The following KCNU1 variants were observed in gnomAD, a reference collection of about 807,000 sequenced individuals.
KCNU1 encodes the protein potassium channel subfamily U member 1.
Under a neutral mutation model 126.8 loss-of-function variants are expected in KCNU1, and 93 were observed. The observed-to-expected ratio is 0.73, with a 90% confidence interval of 0.62 to 0.87. The LOEUF (loss-of-function observed/expected upper bound fraction) is 0.87, where lower values mean the gene tolerates loss of function less well. Ranked by LOEUF, KCNU1 falls within the 40% of genes least tolerant of loss-of-function variation. The pLI, the probability that KCNU1 is intolerant of heterozygous loss-of-function variation, is 0.00. For missense variants in KCNU1, 1,330 were observed against 1,367.1 expected (o/e 0.97, Z 0.43); for synonymous variants, 523 against 494.2 (o/e 1.06, Z -0.77).
intron 20 of KCNU1, among the ~76,000 whole-genome samples, chr8:36,907,764 T>C (rs555299358): frequency 1.3e-4 from 20 of 152,298 alleles, no homozygotes; most frequent in African/African-American, 4.8e-4. Flanking sequence ...GAATGATATA[T>C]CCATTTGAAG....
intron 19 of KCNU1, among the ~76,000 whole-genome samples, chr8:36,892,372 T>C (rs890037544): frequency 3.9e-5 from 6 of 152,214 alleles, no homozygotes; most frequent in African/African-American, 1.4e-4. Context: ...TCTCATACTT[T>C]TCTTTAGTTC....
intron 18 of KCNU1, among the ~76,000 whole-genome samples, chr8:36,850,486 T>C (rs1398104147): frequency 6.6e-6 from 1 of 150,988 alleles, no homozygotes; most frequent in African/African-American, 2.4e-5. Context: ...GGACAGGGTC[T>C]CACTCCATCA....
intron 19 of KCNU1, chr8:36,888,723 T>C (rs1806822237): frequency 1.9e-6 from 1 of 534,400 alleles, no homozygotes; most frequent in Non-Finnish European, 3.8e-6. Context: ...CAGGAAAGCA[T>C]CTTCACAAAA....
At chr8:36,876,275 G>T (rs895974334) in intron 19 of KCNU1, among the ~76,000 whole-genome samples, 1 of 152,162 alleles carries the variant, frequency 6.6e-6, no homozygotes, top group Non-Finnish European at 1.5e-5. Context: ...GATTCTATCT[G>T]TGTTTCTTTA....
intron 9 of KCNU1, among the ~76,000 whole-genome samples, chr8:36,817,209 G>C (rs1023495845): frequency 1.3e-5 from 2 of 151,886 alleles, no homozygotes; most frequent in Non-Finnish European, 2.9e-5. Context: ...TTAAAATCTG[G>C]GTGATGCAGG....
intron 2 of KCNU1, among the ~76,000 whole-genome samples, chr8:36,801,678 G>GTA (rs988179182): frequency 6.6e-6 from 1 of 151,824 alleles, no homozygotes; most frequent in Non-Finnish European, 1.5e-5. Flanking sequence ...ATATATGTGT[G>GTA]TATATATACA....
At chr8:36,799,776 G>A (rs1437922522) in intron 2 of KCNU1, among the ~76,000 whole-genome samples, 1 of 151,706 alleles carries the variant, frequency 6.6e-6, no homozygotes, top group African/African-American at 2.4e-5. Context: ...CCTGACCTCA[G>A]GGGATCCTCC....
Position 36,931,042 on chromosome 8 carries a change from A to G in KCNU1, c.2828A>G (p.Lys943Arg). 1 of 1,611,704 alleles carries G rather than the reference A, an allele frequency of 6.2e-7. No individual in the cohort carries two copies. Among genetic ancestry groups the G allele is most frequent in the Non-Finnish European group, 8.5e-7 (1 of 1,178,788 alleles). Reference sequence around the variant, plus strand: ...CTGGAACAACATTTAGATAAGGATAAAGTCTATGGTGTGGCAGATAGCTGC... The same window carrying G: ...CTGGAACAACATTTAGATAAGGATAGAGTCTATGGTGTGGCAGATAGCTGC... ...SQLEQHLDKD[K>R]VYGVADSCTS... Residue 943 changes from lysine (K) to arginine (R), a missense_variant, in exon 25 of 27, where the codon AAA becomes AGA. By Grantham distance (26) the Lys-to-Arg change is conservative. This residue lies in a region of KCNU1 where 1,054 missense variants were observed against 1,053.9 expected (regional missense o/e 1.00). Transcript: ENST00000399881.
intron 23 of KCNU1, among the ~76,000 whole-genome samples, chr8:36,920,173 G>A (rs1031185456): frequency 6.6e-6 from 1 of 152,066 alleles, no homozygotes; most frequent in African/African-American, 2.4e-5. Context: ...GTGAGGCATT[G>A]GTTCCATAAC....
chr8:36,797,535 C>T (rs1208548952), intron 2 of KCNU1, among the ~76,000 whole-genome samples: 2 of 151,890 alleles, frequency 1.3e-5, no homozygotes, highest in East Asian at 1.9e-4. Context: ...TCTTAATATT[C>T]GCTTTAAAGT....
chr8:36,893,770 G>A (rs1807072076), intron 19 of KCNU1, among the ~76,000 whole-genome samples: 1 of 152,058 alleles, frequency 6.6e-6, no homozygotes, highest in Non-Finnish European at 1.5e-5. Flanking sequence ...GAACTCTGAA[G>A]ATGTTGATTT....
At chr8:36,915,479 C>T (rs1808061787) in intron 22 of KCNU1, among the ~76,000 whole-genome samples, 1 of 152,202 alleles carries the variant, frequency 6.6e-6, no homozygotes, top group African/African-American at 2.4e-5. Context: ...ATTCTTATCT[C>T]TTTACAGTGT....
At chr8:36,890,544 TG>T (rs1806921186) in intron 19 of KCNU1, among the ~76,000 whole-genome samples, 3 of 151,796 alleles carry the variant, frequency 2.0e-5, no homozygotes, top group Admixed American at 1.3e-4. Context: ...AGAGATAAAA[TG>T]AAATCATATA....
At chr8:36,886,112 G>C (rs1340574133) in intron 19 of KCNU1, among the ~76,000 whole-genome samples, 1 of 152,112 alleles carries the variant, frequency 6.6e-6, no homozygotes, top group East Asian at 1.9e-4. Context: ...AGTTGAAAGA[G>C]GTGCAAGGAA....
At chr8:36,883,745 GA>G (rs913198986) in intron 19 of KCNU1, among the ~76,000 whole-genome samples, 2 of 152,110 alleles carry the variant, frequency 1.3e-5, no homozygotes, top group African/African-American at 2.4e-5. Context: ...GAGCTGAGAT[GA>G]TGTCACTGCA....
chr8:36,799,459 G>T (rs986882190), intron 2 of KCNU1, among the ~76,000 whole-genome samples: 2 of 151,246 alleles, frequency 1.3e-5, no homozygotes, highest in African/African-American at 4.9e-5. Flanking sequence ...TTTTTTGGGA[G>T]GGGGGGCAGG....
At chr8:36,807,332 A>G in intron 5 of KCNU1, 43 bp from the exon 6 acceptor site, 2 of 1,380,896 alleles carry the variant, frequency 1.4e-6, no homozygotes, top group Non-Finnish European at 2.1e-6. Flanking sequence ...CTCTGGAGTG[A>G]CCCTCTGATT....
At chr8:36,844,885 G>T (rs898532598) in intron 16 of KCNU1, among the ~76,000 whole-genome samples, 1 of 152,176 alleles carries the variant, frequency 6.6e-6, no homozygotes, top group Non-Finnish European at 1.5e-5. Context: ...CTGATAAACA[G>T]GGAGAAATGT....
intron 23 of KCNU1, among the ~76,000 whole-genome samples, chr8:36,919,991 G>A (rs1436537848): frequency 6.6e-6 from 1 of 152,192 alleles, no homozygotes; most frequent in Non-Finnish European, 1.5e-5. Flanking sequence ...GTGGAGCAGA[G>A]GCTGTTGAAG....
Sources: allele counts gnomAD v4.1 joint callset (sites outside exome capture counted in the v4.1 genomes callset), GRCh38; gene constraint gnomAD v4.1.1; regional missense constraint gnomAD v4.1.1; transcripts MANE v1.5; gene names NCBI Gene and HGNC (gene_info 2026-07-23, HGNC 2026-07-21).